TADA2A: variants seen among roughly 807,000 people sequenced by gnomAD.
The protein encoded by TADA2A is transcriptional adaptor 2A.
Under a neutral mutation model 67.4 loss-of-function variants are expected in TADA2A, and 38 were observed. The observed-to-expected ratio is 0.56, with a 90% confidence interval of 0.44 to 0.74. The LOEUF is 0.74. TADA2A is among the 30% of genes least tolerant of loss of function. TADA2A has a pLI of 0.00. For missense variants in TADA2A, 454 were observed against 547.0 expected (o/e 0.83, Z 1.70); for synonymous variants, 192 against 181.6 (o/e 1.06, Z -0.46).
chr17:37,472,210 C>G (rs1233332892), intron 14 of TADA2A, among the ~76,000 whole-genome samples: 2 of 151,966 alleles, frequency 1.3e-5, no homozygotes, highest in African/African-American at 4.8e-5. Flanking sequence ...GGATTAGAGG[C>G]GCCTGCCACT....
chr17:37,422,631 A>C (rs1273394996), intron 2 of TADA2A, among the ~76,000 whole-genome samples: 1 of 151,800 alleles, frequency 6.6e-6, no homozygotes, highest in Non-Finnish European at 1.5e-5. Flanking sequence ...TCAACTTCCC[A>C]AGTAGCTGGG....
intron 3 of TADA2A, 54 bp from the exon 4 acceptor site, chr17:37,426,895 TC>T: frequency 6.7e-7 from 1 of 1,502,120 alleles, no homozygotes; most frequent in Non-Finnish European, 9.0e-7. Flanking sequence ...AACACAAACC[TC>T]CTCTGTCCTT....
chr17:37,431,335 A>G (rs1484286839), intron 4 of TADA2A, among the ~76,000 whole-genome samples: 1 of 152,010 alleles, frequency 6.6e-6, no homozygotes, highest in Non-Finnish European at 1.5e-5. Flanking sequence ...ACTTAGGCTG[A>G]AAGTCCCAAG....
At position 37,452,469 on chromosome 17, in the gene TADA2A, C is replaced by A. The variant is rs17138729; in HGVS notation, c.605-6055C>A. Among the ~76,000 whole-genome samples, 1,103 of 152,212 alleles carry A rather than the reference C, an allele frequency of 7.2e-3. 10 individuals are homozygous for A. The highest frequency in any genetic ancestry group is 0.025 in the African/African-American group (1,041 of 41,548). On this transcript the variant is annotated intron_variant, in intron 8 of 15. Transcript: ENST00000615182. Reference sequence around the variant, plus strand: ...TTAGCTATCATTATTGTATTTGTTTCCCTTTCTGGCTTTAACTGTTGACTT... The same window carrying A: ...TTAGCTATCATTATTGTATTTGTTTACCTTTCTGGCTTTAACTGTTGACTT...
chr17:37,479,145 TAGAGA>T lies in TADA2A; in HGVS notation c.*2169_*2173del, dbSNP rs1418650245. 6.6e-6 allele frequency: 1 copy of T among 152,132 alleles called. No homozygotes were observed. The highest frequency in any genetic ancestry group is 2.4e-5 in the African/African-American group (1 of 41,368). 9.4% of individuals were successfully genotyped at this position (152,132 alleles called of 1,614,324 possible). A position where few individuals can be genotyped will look rare whatever the true frequency, so the allele number is the denominator to read the frequency against. On this transcript the variant is annotated 3_prime_UTR_variant, in exon 16 of 16. Transcript: ENST00000615182. ...GTGGGCTTTTGGGGCAATTATATGATAGAGAAGAGAGAGAAAAATGGCAGATGGAA... is the reference window on the plus strand; with the variant it reads ...GTGGGCTTTTGGGGCAATTATATGATAGAGAGAGAAAAATGGCAGATGGAA...
At chr17:37,422,199 C>T (rs1419911698) in intron 2 of TADA2A, among the ~76,000 whole-genome samples, 1 of 145,502 alleles carries the variant, frequency 6.9e-6, no homozygotes. Context: ...GTGTGCACCA[C>T]CACACCTGGC....
At chr17:37,451,613 T>C (rs1044082833) in intron 8 of TADA2A, among the ~76,000 whole-genome samples, 1 of 151,958 alleles carries the variant, frequency 6.6e-6, no homozygotes, top group Non-Finnish European at 1.5e-5. Context: ...TGAGCCACCA[T>C]GCCTGGCCTT....
At chr17:37,425,967 T>C (rs1172682682) in intron 3 of TADA2A, among the ~76,000 whole-genome samples, 1 of 150,580 alleles carries the variant, frequency 6.6e-6, no homozygotes, top group African/African-American at 2.4e-5. Context: ...TATTTTTCTT[T>C]AAAAAAAAAT....
At chr17:37,433,223 G>A (rs1003286844) in intron 4 of TADA2A, among the ~76,000 whole-genome samples, 1 of 151,956 alleles carries the variant, frequency 6.6e-6, no homozygotes, top group Non-Finnish European at 1.5e-5. Context: ...AGAGTGCTAG[G>A]ATTACAGGTG....
At chr17:37,455,303 C>T in intron 8 of TADA2A, among the ~76,000 whole-genome samples, 2 of 126,662 alleles carry the variant, frequency 1.6e-5, no homozygotes, top group South Asian at 2.6e-4. Flanking sequence ...CCCTAGAGGT[C>T]TTCTGGTTAT....
At chr17:37,468,965 A>G (rs1169671497) in intron 12 of TADA2A, among the ~76,000 whole-genome samples, 1 of 151,362 alleles carries the variant, frequency 6.6e-6, no homozygotes, top group Non-Finnish European at 1.5e-5. Context: ...CAGTGGTGCC[A>G]TCTTGGTTCA....
intron 2 of TADA2A, among the ~76,000 whole-genome samples, chr17:37,415,457 ATGTG>A (rs922096191): frequency 6.6e-6 from 1 of 152,116 alleles, no homozygotes; most frequent in Admixed American, 6.6e-5. Context: ...ATAACCTTGG[ATGTG>A]TGTATTTTTG....
chr17:37,418,289 A>G lies in TADA2A; in HGVS notation c.26-5220A>G, dbSNP rs183856707. On this transcript the variant is annotated intron_variant, in intron 2 of 15. Coordinates refer to ENST00000615182, the MANE Select transcript of TADA2A (RefSeq NM_001166105.3). ...GACATTTGAAAGTTGCACAGGACAC[A>G]CAAAAAAGTCAATTTTTATTAGAAT... Among the ~76,000 whole-genome samples the G allele has an allele frequency of 3.1e-3, 472 of 152,328 alleles. 4 individuals carry two copies. The highest frequency in any genetic ancestry group is 0.011 in the African/African-American group (439 of 41,570).
chr17:37,413,051 C>T (rs1285989697), intron 2 of TADA2A, among the ~76,000 whole-genome samples: 2 of 151,786 alleles, frequency 1.3e-5, no homozygotes, highest in South Asian at 2.1e-4. Context: ...CTCAGCCTCC[C>T]GAGTAGCTGG....
intron 14 of TADA2A, among the ~76,000 whole-genome samples, chr17:37,473,342 C>G (rs2053831400): frequency 6.6e-6 from 1 of 151,992 alleles, no homozygotes; most frequent in Non-Finnish European, 1.5e-5. Context: ...GAGGAGATCT[C>G]TTGCTCTCCT....
intron 5 of TADA2A, chr17:37,438,189 A>G (rs2052790482): frequency 1.2e-5 from 2 of 170,630 alleles, no homozygotes; most frequent in South Asian, 3.2e-4. Context: ...CTAGTCATTT[A>G]AGTGAATCAG....
intron 8 of TADA2A, among the ~76,000 whole-genome samples, chr17:37,453,583 A>C (rs973033552): frequency 6.6e-6 from 1 of 152,138 alleles, no homozygotes; most frequent in Non-Finnish European, 1.5e-5. Flanking sequence ...TTTAAAACTT[A>C]CTGTAGTAGA....
intron 5 of TADA2A, among the ~76,000 whole-genome samples, chr17:37,438,618 G>A (rs924569267): frequency 6.6e-6 from 1 of 152,080 alleles, no homozygotes; most frequent in African/African-American, 2.4e-5. Context: ...TATGTCCAGG[G>A]ACCTGAAGAA....
intron 10 of TADA2A, among the ~76,000 whole-genome samples, chr17:37,462,633 A>AAAAT (rs2053573302): frequency 7.0e-6 from 1 of 142,650 alleles, no homozygotes; most frequent in Middle Eastern, 3.9e-3. Context: ...CTTAGTCTCA[A>AAAAT]AAATAAATAA....
Sources: allele counts gnomAD v4.1 joint callset (sites outside exome capture counted in the v4.1 genomes callset), GRCh38; gene constraint gnomAD v4.1.1; transcripts MANE v1.5; gene names NCBI Gene and HGNC (gene_info 2026-07-23, HGNC 2026-07-21).